PKD1: variants seen among roughly 807,000 people sequenced by gnomAD.
The protein encoded by PKD1 is polycystin 1, transient receptor potential channel interacting.
In PKD1, 81 loss-of-function variants were observed where a neutral mutation model predicts 361.7. That is an observed-to-expected ratio of 0.22 (90% CI 0.19 to 0.27). The LOEUF is 0.27. PKD1 is among the 10% of genes least tolerant of loss of function. PKD1 has a pLI of 1.00. For synonymous variants in PKD1, 3,615 were observed against 2,818.3 expected, an observed-to-expected ratio of 1.28 and a Z score of -8.95; for missense variants, 6,399 against 6,118.3, an observed-to-expected ratio of 1.05 and a Z score of -1.53.
Position 2,091,549 on chromosome 16 carries a change from C to A in PKD1, c.11586G>T (p.Gly3862=). ...GGCGCAGCGTGACGGCGGCGTGCAGCCCCACGGCCGGGCTGTAGCGCGTGA... is the reference window on the plus strand; with the variant it reads ...GGCGCAGCGTGACGGCGGCGTGCAGACCCACGGCCGGGCTGTAGCGCGTGA... ...LELTRYSPAV[G]LHAAVTLRLE... is the part of the protein sequence containing the mutation. Residue 3862 remains glycine (G), a synonymous_variant, in exon 42 of 46, where the codon GGG becomes GGT. Transcript: ENST00000262304. The A allele has an allele frequency of 6.6e-7, 1 of 1,525,596 alleles. No homozygotes were observed. Among genetic ancestry groups the A allele is most frequent in the Non-Finnish European group, 8.7e-7 (1 of 1,149,128 alleles). 94.5% of individuals were successfully genotyped at this position (1,525,596 alleles called of 1,614,324 possible). A position where few individuals can be genotyped will look rare whatever the true frequency, so the allele number is the denominator to read the frequency against.
chr16:2,091,151 C>A lies in PKD1; in HGVS notation c.11736G>T (p.Val3912=). The change falls in exon 43 of 46, where the codon GTG becomes GTT. Residue 3912 remains valine (V), a synonymous_variant. Transcript: ENST00000262304. ...LTSVCLLLFA[V]HFAVAEARTW... ...TACGGGCCTCGGCCACGGCGAAGTG[C>A]ACGGCGAACAGCAGCAGGCACACCT... 6.8e-7 allele frequency: 1 copy of A among 1,474,858 alleles called. No homozygotes were observed. The highest frequency in any genetic ancestry group is 2.3e-5 in the Admixed American group (1 of 42,698). 91.4% of individuals were successfully genotyped at this position (1,474,858 alleles called of 1,614,324 possible). A position where few individuals can be genotyped will look rare whatever the true frequency, so the allele number is the denominator to read the frequency against.
chr16:2,105,057 G>C (rs1431348746), intron 21 of PKD1, among the ~76,000 whole-genome samples: 2 of 138,780 alleles, frequency 1.4e-5, no homozygotes, highest in African/African-American at 2.7e-5. Context: ...GGGGAGAGTG[G>C]AGGGCACAGA....
In PKD1 at chr16:2,114,784, C is replaced by T. The variant is rs796086075; in HGVS notation, c.2239G>A (p.Ala747Thr). The change falls in exon 11 of 46, where the codon GCC (alanine) becomes ACC (threonine). Residue 747 changes from alanine to threonine, a missense_variant. Ala to Thr is a moderately conservative substitution (Grantham distance 58). Coordinates refer to ENST00000262304, the MANE Select transcript of PKD1 (RefSeq NM_001009944.3). The stretch of plus-strand genomic sequence containing the variant: ...GGCAAGTGGGGCAGCCATGACGAGG[C>T]GTTGGCGGAGAGGTACGGGGCCCGG... ...GPRAPYLSAN[A>T]SSWLPHLPAQ... 33 of 1,284,262 alleles carry T rather than the reference C, an allele frequency of 2.6e-5. No homozygotes were observed. Among genetic ancestry groups the T allele is most frequent in the Non-Finnish European group, 3.6e-5 (33 of 920,704 alleles). 79.6% of individuals were successfully genotyped at this position (1,284,262 alleles called of 1,614,324 possible).
intron 1 of PKD1, chr16:2,120,180 C>A (rs2092697641): frequency 2.7e-6 from 1 of 371,498 alleles, no homozygotes; most frequent in Middle Eastern, 7.3e-4. Context: ...TCACTGTACT[C>A]CAGCCTGGGT....
chr16:2,126,527 C>T (rs575254180), intron 1 of PKD1, among the ~76,000 whole-genome samples: 4 of 152,268 alleles, frequency 2.6e-5, no homozygotes, highest in African/African-American at 7.2e-5. Context: ...CCATGAAGAG[C>T]GAGGTGTTCT....
intron 22 of PKD1, 152 bp downstream of exon 22, chr16:2,104,346 G>C: frequency 1.9e-6 from 1 of 518,222 alleles, no homozygotes; most frequent in South Asian, 1.9e-5. Flanking sequence ...AGGAGAATGG[G>C]AATTGGGGGA....
At chr16:2,101,805 T>G (rs1223027942) in intron 26 of PKD1, 6 of 597,292 alleles carry the variant, frequency 1.0e-5, no homozygotes, top group Non-Finnish European at 1.8e-5. Flanking sequence ...ACGTCACTTG[T>G]GGGGCCACGC....
intron 1 of PKD1, among the ~76,000 whole-genome samples, chr16:2,129,706 C>G (rs1250690422): frequency 2.0e-5 from 3 of 151,762 alleles, no homozygotes; most frequent in Non-Finnish European, 4.4e-5. Flanking sequence ...CATACCACCA[C>G]GCCCGGCCAA....
intron 22 of PKD1, 119 bp downstream of exon 22, chr16:2,104,376 TGGG>T: frequency 2.1e-6 from 1 of 480,512 alleles, no homozygotes; most frequent in Non-Finnish European, 3.7e-6. Flanking sequence ...GGATGGGAAT[TGGG>T]GGGAGGGGAG....
Position 2,102,809 on chromosome 16 carries a change from C to T in PKD1, c.8948+5G>A. 1 of 1,609,982 alleles carries T rather than the reference C, an allele frequency of 6.2e-7. No individual in the cohort carries two copies. The highest frequency in any genetic ancestry group is 8.5e-7 in the Non-Finnish European group (1 of 1,179,746). ...TGCCCTGCCAGGCTGGCCCGCAGAG[C>T]TCACCCCGGGGAAATGAAGAAGGTG... is the stretch of plus-strand genomic sequence containing the variant. On this transcript the variant is annotated splice_donor_5th_base_variant and intron_variant, in intron 24 of 45. Transcript: ENST00000262304.
chr16:2,097,807 C>T (rs1214415551), intron 31 of PKD1, 27 bp from the exon 32 acceptor site: 6 of 1,611,294 alleles, frequency 3.7e-6, no homozygotes, highest in African/African-American at 1.3e-5. Flanking sequence ...GTCTTGAGTC[C>T]AAGCTGCGCC....
chr16:2,111,368 C>T lies in PKD1; in HGVS notation c.3799G>A (p.Ala1267Thr), dbSNP rs1274891292. 3 of 1,610,776 alleles carry T rather than the reference C, an allele frequency of 1.9e-6. No homozygotes were observed. The highest frequency in any genetic ancestry group is 1.3e-5 in the African/African-American group (1 of 74,894). The stretch of plus-strand genomic sequence containing the variant: ...CCCACGGTCACTGTGCAGTTCTGTG[C>T]CCGCAGGTACACATGCTCCACTGTT... The part of the protein sequence containing the change: ...EATVEHVYLR[A>T]QNCTVTVGAA... Residue 1267 changes from alanine (A) to threonine (T), a missense_variant, in exon 15 of 46, where the codon GCA (alanine) becomes ACA (threonine). Coordinates refer to ENST00000262304, the MANE Select transcript of PKD1 (RefSeq NM_001009944.3).
At position 2,111,572 on chromosome 16, in the gene PKD1, C is replaced by T. The variant is rs550230113; in HGVS notation, c.3595G>A (p.Gly1199Ser). ...CGCACATCCGCCTGGGCCGCCGCAC[C>T]GCTCACCGTGTTGTTGACCTCCAGG... ...VRLEVNNTVS[G>S]AAAQADVRVF... The change falls in exon 15 of 46, where the codon GGT becomes AGT. Residue 1199 changes from glycine to serine, a missense_variant. Physicochemically the swap from Gly to Ser is moderately conservative, Grantham distance 56. Transcript: ENST00000262304. The T allele has an allele frequency of 4.1e-5, 65 of 1,577,620 alleles. No individual in the cohort carries two copies. The highest frequency in any genetic ancestry group is 5.0e-5 in the Non-Finnish European group (58 of 1,162,792).
chr16:2,109,390 G>A lies in PKD1; in HGVS notation c.5777C>T (p.Ala1926Val), dbSNP rs754890213. The change falls in exon 15 of 46, where the codon GCC becomes GTC. Residue 1926 changes from alanine to valine, a missense_variant. Transcript: ENST00000262304. The stretch of plus-strand genomic sequence containing the variant: ...GGGCCCGGGGAGCACCTCGGGGTTG[G>A]CCCCGCCGACCTGCAGGCGGAAGGT... The part of the protein sequence containing the change: ...AVTFRLQVGG[A>V]NPEVLPGPRF... The A allele has an allele frequency of 2.0e-5, 32 of 1,597,672 alleles. No individual in the cohort carries two copies. The highest frequency in any genetic ancestry group is 2.5e-5 in the Non-Finnish European group (29 of 1,177,644).
rs567983155 is a variant in PKD1, at chr16:2,106,431, C to T, written c.7456G>A (p.Ala2486Thr). Residue 2486 changes from alanine (A) to threonine (T), a missense_variant, in exon 18 of 46, where the codon GCC (alanine) becomes ACC (threonine). Physicochemically the swap from Ala to Thr is moderately conservative, Grantham distance 58 (BLOSUM62 0). Transcript: ENST00000262304. This position sits in a 1 kb window ranked among gnomAD's most constrained non-coding sequence, Gnocchi z 6.5. The stretch of plus-strand genomic sequence containing the variant: ...TCGAAGTGCACCTTGGTGGTGAGGG[C>T]GTGCACAGCGCCCAGTGGGAAGAGG... ...CRLFPLGAVHALTTKVHFECT... is the reference protein window; with the variant it reads ...CRLFPLGAVHTLTTKVHFECT... 31 of 1,588,638 alleles carry T rather than the reference C, an allele frequency of 2.0e-5. No individual in the cohort carries two copies. The highest frequency in any genetic ancestry group is 7.9e-5 in the South Asian group (7 of 89,008).
rs545013123 is a variant in PKD1 at position 2,129,337 on chromosome 16, A to G, written c.215+6138T>C. On this transcript the variant is annotated intron_variant, in intron 1 of 45. Transcript: ENST00000262304. ...CTAATATCTATTTATTGGTCTCGCT[A>G]TGTTGCCCAGGCTGGCCTCAAACTC... is the stretch of plus-strand genomic sequence containing the variant. Among the ~76,000 whole-genome samples the G allele has an allele frequency of 1.6e-4, 24 of 150,140 alleles. No individual in the cohort carries two copies. In the East Asian group the frequency reaches 4.6e-3, roughly 29 times the overall value.
rs766836544 is a variant in PKD1 at position 2,108,487 on chromosome 16, T to C, written c.6680A>G (p.His2227Arg). Residue 2227 changes from histidine to arginine, a missense_variant, in exon 15 of 46, where the codon CAC becomes CGC. Transcript: ENST00000262304. ...VLPRLALPVG[H>R]YCFVFVVSFG... ...TGACACGACAAACACAAAGCAGTAG[T>C]GCCCCACAGGCAGCGCCAGCCGCGG... is the stretch of plus-strand genomic sequence containing the variant. The C allele has an allele frequency of 6.2e-7, 1 of 1,610,250 alleles. No individual in the cohort carries two copies. Among genetic ancestry groups the C allele is most frequent in the Middle Eastern group, 2.3e-4 (1 of 4,426 alleles).
chr16:2,122,837 G>A (rs936591114), intron 1 of PKD1, among the ~76,000 whole-genome samples: 10 of 152,196 alleles, frequency 6.6e-5, no homozygotes, highest in Admixed American at 4.6e-4. Context: ...CCCTGGAAGG[G>A]ACACAGCTGT....
intron 1 of PKD1, among the ~76,000 whole-genome samples, chr16:2,124,927 T>C (rs549643521): frequency 6.7e-4 from 102 of 152,140 alleles, no homozygotes; most frequent in East Asian, 2.0e-3. Context: ...CTGGAGGAGC[T>C]GGTTCCCCTC....
Sources: allele counts gnomAD v4.1 joint callset (sites outside exome capture counted in the v4.1 genomes callset), GRCh38; gene constraint gnomAD v4.1.1; non-coding constraint Gnocchi (gnomAD v3.1); transcripts MANE v1.5; gene names NCBI Gene and HGNC (gene_info 2026-07-23, HGNC 2026-07-21).